Variants in ARHGAP31 observed in about 807,000 individuals in gnomAD.
ARHGAP31 encodes the protein rho GTPase-activating protein 31.
Under a neutral mutation model 113.9 loss-of-function variants are expected in ARHGAP31, and 34 were observed. The observed-to-expected ratio is 0.30, with a 90% CI of 0.23 to 0.40. ARHGAP31 has a LOEUF of 0.40. Ranked by LOEUF, ARHGAP31 falls within the 10% of genes least tolerant of loss-of-function variation. The probability of loss-of-function intolerance (pLI) is 1.00; values close to 1 mark genes in which losing one functional copy is unlikely to be tolerated. For synonymous variants in ARHGAP31, 650 were observed against 684.8 expected (o/e 0.95, Z 0.79); for missense variants, 1,548 against 1,767.1 (o/e 0.88, Z 2.22).
In ARHGAP31 at chr3:119,375,945, C is replaced by T. The variant is rs1015839751; in HGVS notation, c.349-4959C>T. Among the ~76,000 whole-genome samples, 6 of 152,164 alleles carry T rather than the reference C, an allele frequency of 3.9e-5. No individual in the cohort carries two copies. In the South Asian group the frequency reaches 6.2e-4, roughly 16 times the overall value. ...TAACTCACTGTAACTTCAAACTCCA[C>T]GGCTCCAGCAACCCTTCTGCTTCAG... is the stretch of plus-strand genomic sequence containing the variant. On this transcript the variant is annotated intron_variant, in intron 3 of 11. Coordinates refer to ENST00000264245, the MANE Select transcript of ARHGAP31 (RefSeq NM_020754.4).
At chr3:119,332,760 C>A (rs1400600527) in intron 1 of ARHGAP31, among the ~76,000 whole-genome samples, 1 of 151,810 alleles carries the variant, frequency 6.6e-6, no homozygotes, top group Non-Finnish European at 1.5e-5. Context: ...GGCAGCTTTG[C>A]CCTGCTGCTC....
intron 3 of ARHGAP31, among the ~76,000 whole-genome samples, chr3:119,374,271 G>A (rs935544560): frequency 1.1e-4 from 16 of 152,058 alleles, no homozygotes; most frequent in African/African-American, 3.9e-4. Context: ...GTTCATGTGA[G>A]ATCTGCTTAG....
chr3:119,348,919 A>G (rs73857016), intron 1 of ARHGAP31, among the ~76,000 whole-genome samples: 2,083 of 152,320 alleles, frequency 0.014, 51 homozygotes, highest in African/African-American at 0.047. Context: ...GAAGAGGAGT[A>G]AGCAGGTTTG....
chr3:119,393,251 TAC>T (rs745573342), intron 7 of ARHGAP31, among the ~76,000 whole-genome samples: 3 of 152,144 alleles, frequency 2.0e-5, no homozygotes, highest in Non-Finnish European at 4.4e-5. Context: ...CCCTGGGAAA[TAC>T]AGTTTGCTGT....
chr3:119,384,733 G>T (rs10049044), intron 6 of ARHGAP31, among the ~76,000 whole-genome samples: 24,060 of 152,040 alleles, frequency 0.16, 2,007 homozygotes, highest in East Asian at 0.31. Flanking sequence ...TGTTGCATTG[G>T]GGATCAAGTT....
intron 1 of ARHGAP31, among the ~76,000 whole-genome samples, chr3:119,324,405 A>G (rs960283686): frequency 4.6e-5 from 7 of 152,218 alleles, no homozygotes; most frequent in African/African-American, 1.7e-4. Flanking sequence ...TCATAGTTTT[A>G]GTTATTTTGA....
intron 1 of ARHGAP31, 132 bp from the exon 2 acceptor site, chr3:119,365,184 T>C: frequency 1.4e-6 from 1 of 711,090 alleles, no homozygotes; most frequent in Non-Finnish European, 2.4e-6. Flanking sequence ...AAGAAATTGT[T>C]TCCACTTGTA....
At chr3:119,411,921 A>C (rs904405388) in intron 11 of ARHGAP31, among the ~76,000 whole-genome samples, 1 of 152,226 alleles carries the variant, frequency 6.6e-6, no homozygotes, top group Non-Finnish European at 1.5e-5. Flanking sequence ...CATTGGGAAT[A>C]ATAAGACAAG....
At position 119,414,777 on chromosome 3, in the gene ARHGAP31, C is replaced by T. The variant is rs199928704; in HGVS notation, c.2848C>T (p.Arg950Cys). The T allele has an allele frequency of 2.2e-5, 36 of 1,614,114 alleles. No homozygotes were observed. The highest frequency in any genetic ancestry group is 4.4e-5 in the South Asian group (4 of 91,092). ...GAGGCTTTCCCACAGGCCCAGCCTT[C>T]GCCAGAGCCATTCTCTAGATAGCAA... ...EKRLSHRPSL[R>C]QSHSLDSKPT... The change falls in exon 12 of 12, where the codon CGC becomes TGC. Residue 950 changes from arginine (R) to cysteine (C), a missense_variant. Transcript: ENST00000264245.
Position 119,391,001 on chromosome 3 carries a change from A to T in ARHGAP31, c.881+18A>T, listed in dbSNP as rs764234673. On this transcript the variant is annotated intron_variant, in intron 7 of 11. Transcript: ENST00000264245. ...GACAACAAGTAAGTGGCACTCTTTT[A>T]AAAAATTCTAGGAGATGTGTGGTTG... is the stretch of plus-strand genomic sequence containing the variant. 6.2e-7 allele frequency: 1 copy of T among 1,612,664 alleles called. No individual in the cohort carries two copies. The highest frequency in any genetic ancestry group is 8.5e-7 in the Non-Finnish European group (1 of 1,178,754).
Position 119,401,902 on chromosome 3 carries a change from G to A in ARHGAP31, c.1150G>A (p.Gly384Ser), listed in dbSNP as rs747126561. 5.0e-6 allele frequency: 8 copies of A among 1,614,028 alleles called. No individual in the cohort carries two copies. The highest frequency in any genetic ancestry group is 1.1e-5 in the South Asian group (1 of 91,058). Reference protein sequence around the residue: ...FIPATKMHSTGTGSSCDLTKQ... With the variant: ...FIPATKMHSTSTGSSCDLTKQ... ...TCCAGCAACAAAGATGCACTCCACC[G>A]GCACCGGCAGCTCATGTGACCTCAC... Residue 384 changes from glycine (G) to serine (S), a missense_variant, in exon 10 of 12, where the codon GGC (glycine) becomes AGC (serine). Gly to Ser is a moderately conservative substitution (Grantham distance 56). Transcript: ENST00000264245.
At position 119,413,842 on chromosome 3, in the gene ARHGAP31, T is replaced by C; in HGVS notation, c.1927-14T>C. ...ACTTAGTTCTAAGACAATCAGTTTA[T>C]TGATGTTTTTCAGGATGAAGATGAT... On this transcript the variant is annotated splice_polypyrimidine_tract_variant and intron_variant, in intron 11 of 11. Coordinates refer to ENST00000264245, the MANE Select transcript of ARHGAP31 (RefSeq NM_020754.4). 6 of 1,614,210 alleles carry C rather than the reference T, an allele frequency of 3.7e-6. No individual in the cohort carries two copies. Among genetic ancestry groups the C allele is most frequent in the Non-Finnish European group, 5.1e-6 (6 of 1,180,024 alleles).
At chr3:119,406,664 C>T (rs1432624196) in intron 10 of ARHGAP31, among the ~76,000 whole-genome samples, 3 of 152,164 alleles carry the variant, frequency 2.0e-5, no homozygotes, top group Non-Finnish European at 4.4e-5. Context: ...GTCTGCCTTG[C>T]GTTTCTGGTT....
At chr3:119,413,168 T>A (rs757783960) in intron 11 of ARHGAP31, among the ~76,000 whole-genome samples, 5 of 149,756 alleles carry the variant, frequency 3.3e-5, no homozygotes, top group Non-Finnish European at 5.9e-5. Context: ...ATACAAAAAA[T>A]TAGCCAGGTG....
chr3:119,375,162 T>C (rs1484094484), intron 3 of ARHGAP31, among the ~76,000 whole-genome samples: 3 of 152,228 alleles, frequency 2.0e-5, no homozygotes, highest in Non-Finnish European at 4.4e-5. Flanking sequence ...CTGTAACTAA[T>C]TGCCATAAAC....
chr3:119,387,280 T>C (rs938169021), intron 6 of ARHGAP31, among the ~76,000 whole-genome samples: 10 of 152,346 alleles, frequency 6.6e-5, no homozygotes, highest in Middle Eastern at 3.4e-3. Flanking sequence ...GCTCGCACTC[T>C]TGTCTTCTGG....
chr3:119,390,395 G>T (rs1043094906), intron 6 of ARHGAP31, among the ~76,000 whole-genome samples: 1 of 152,242 alleles, frequency 6.6e-6, no homozygotes, highest in Non-Finnish European at 1.5e-5. Flanking sequence ...TATCTCTGTG[G>T]CTGGACAGAC....
At chr3:119,362,463 G>C (rs1248682661) in intron 1 of ARHGAP31, among the ~76,000 whole-genome samples, 5 of 152,158 alleles carry the variant, frequency 3.3e-5, no homozygotes, top group Non-Finnish European at 7.4e-5. Flanking sequence ...AGACACAACA[G>C]CCATTCTAAG....
At chr3:119,340,110 A>G (rs79973904) in intron 1 of ARHGAP31, among the ~76,000 whole-genome samples, 2,909 of 152,384 alleles carry the variant, frequency 0.019, 62 homozygotes, top group East Asian at 0.11. Flanking sequence ...AAAATGTGCA[A>G]GACATAAGCA....
Sources: allele counts gnomAD v4.1 joint callset (sites outside exome capture counted in the v4.1 genomes callset), GRCh38; gene constraint gnomAD v4.1.1; transcripts MANE v1.5; gene names NCBI Gene and HGNC (gene_info 2026-07-23, HGNC 2026-07-21).